Variants in ASTN2 observed in about 807,000 individuals in gnomAD.
ASTN2 encodes astrotactin 2.
In ASTN2, 54 loss-of-function variants were observed where a neutral mutation model predicts 139.8. The ratio of observed to expected loss-of-function variants is 0.39; its 90% confidence interval spans 0.31 to 0.48. ASTN2 has a LOEUF of 0.48. ASTN2 is among the 20% of genes least tolerant of loss of function. The pLI is 0.95. For synonymous variants in ASTN2, 756 were observed against 719.5 expected (o/e 1.05, Z -0.81); for missense variants, 1,565 against 1,725.1 (o/e 0.91, Z 1.64).
At chr9:116,844,380 C>T (rs762871014) in intron 11 of ASTN2, among the ~76,000 whole-genome samples, 30 of 152,320 alleles carry the variant, frequency 2.0e-4, no homozygotes, top group Admixed American at 4.6e-4. Flanking sequence ...GACTGTAATA[C>T]ACACAGCTTC....
chr9:116,444,741 A>G (rs1230669636), intron 20 of ASTN2, among the ~76,000 whole-genome samples: 1 of 152,174 alleles, frequency 6.6e-6, no homozygotes, highest in East Asian at 1.9e-4. Context: ...TTTACTGTCT[A>G]GCATTGTGAA....
chr9:116,558,561 C>T (rs1280055507), intron 19 of ASTN2, among the ~76,000 whole-genome samples: 2 of 152,136 alleles, frequency 1.3e-5, no homozygotes, highest in Non-Finnish European at 2.9e-5. Flanking sequence ...CTTGGCATTG[C>T]TTTGGCCCAG....
intron 10 of ASTN2, among the ~76,000 whole-genome samples, chr9:116,881,137 G>T (rs72754102): frequency 4.9e-4 from 75 of 152,306 alleles, no homozygotes; most frequent in Non-Finnish European, 8.8e-4. Flanking sequence ...GGAAGAGGAG[G>T]AGGAGGAAGG....
chr9:117,339,167 G>A (rs912432328), intron 1 of ASTN2, among the ~76,000 whole-genome samples: 8 of 152,164 alleles, frequency 5.3e-5, no homozygotes, highest in South Asian at 4.2e-4. Context: ...TCTCACAACT[G>A]GTATTAGTAT....
At chr9:117,199,754 T>C (rs1831640526) in intron 3 of ASTN2, among the ~76,000 whole-genome samples, 1 of 152,154 alleles carries the variant, frequency 6.6e-6, no homozygotes, top group African/African-American at 2.4e-5. Context: ...ATTCTTCCTA[T>C]CTCTGAGGAT....
intron 2 of ASTN2, among the ~76,000 whole-genome samples, chr9:117,241,478 C>T (rs79790395): frequency 1.6e-3 from 250 of 152,264 alleles, no homozygotes; most frequent in Middle Eastern, 6.8e-3. Flanking sequence ...TTTCCATGGA[C>T]TTATGGGGGG....
intron 22 of ASTN2, among the ~76,000 whole-genome samples, chr9:116,438,449 T>G (rs1264823020): frequency 1.3e-5 from 2 of 152,166 alleles, no homozygotes; most frequent in African/African-American, 4.8e-5. Flanking sequence ...GTCACACACT[T>G]TGCTGCCACT....
intron 19 of ASTN2, among the ~76,000 whole-genome samples, chr9:116,528,274 G>C (rs1211677944): frequency 2.0e-5 from 3 of 152,182 alleles, no homozygotes; most frequent in Non-Finnish European, 4.4e-5. Flanking sequence ...CTCTTGGTAT[G>C]CTTTAGCAAA....
intron 17 of ASTN2, among the ~76,000 whole-genome samples, chr9:116,636,839 AT>A (rs1228676089): frequency 1.3e-5 from 2 of 152,214 alleles, no homozygotes. Context: ...ATGCAACAGT[AT>A]TAAGAGGAGT....
At chr9:117,293,107 AC>A (rs1834636241) in intron 1 of ASTN2, among the ~76,000 whole-genome samples, 2 of 151,814 alleles carry the variant, frequency 1.3e-5, no homozygotes, top group African/African-American at 4.9e-5. Flanking sequence ...AAGAAAAAAA[AC>A]AACAAACAAA....
chr9:116,650,970 C>T (rs1355186750), intron 17 of ASTN2, among the ~76,000 whole-genome samples: 1 of 150,406 alleles, frequency 6.6e-6, no homozygotes, highest in African/African-American at 2.5e-5. Flanking sequence ...GGCTGGAGTA[C>T]AATGGCACGA....
chr9:117,036,815 A>G (rs925686998), intron 6 of ASTN2, among the ~76,000 whole-genome samples: 1 of 152,134 alleles, frequency 6.6e-6, no homozygotes, highest in East Asian at 1.9e-4. Flanking sequence ...CATGGTCTGC[A>G]TGGTGTGCTG....
chr9:116,525,593 T>C (rs1851056502), intron 19 of ASTN2, among the ~76,000 whole-genome samples: 1 of 152,186 alleles, frequency 6.6e-6, no homozygotes, highest in Non-Finnish European at 1.5e-5. Context: ...TCTCTAATAG[T>C]GGTCCATGAA....
intron 1 of ASTN2, among the ~76,000 whole-genome samples, chr9:117,381,049 A>C (rs1398767897): frequency 6.6e-6 from 1 of 152,266 alleles, no homozygotes. Context: ...TAGTCTATCC[A>C]TACAGTTGAT....
chr9:116,525,663 T>C (rs1201414941), intron 19 of ASTN2, among the ~76,000 whole-genome samples: 1 of 152,224 alleles, frequency 6.6e-6, no homozygotes, highest in Non-Finnish European at 1.5e-5. Flanking sequence ...GCAAGCCACC[T>C]GCCTTCAATA....
intron 12 of ASTN2, among the ~76,000 whole-genome samples, chr9:116,808,308 T>TG (rs71379232): frequency 1.0e-4 from 15 of 144,486 alleles, no homozygotes; most frequent in Non-Finnish European, 1.1e-4. Context: ...TGTGTGTGTG[T>TG]TTGTGTTTGT....
At chr9:117,278,158 C>T (rs1000802281) in intron 2 of ASTN2, among the ~76,000 whole-genome samples, 14 of 152,156 alleles carry the variant, frequency 9.2e-5, no homozygotes, top group African/African-American at 2.9e-4. Flanking sequence ...CCGTCACAGG[C>T]GGAATCATTG....
intron 16 of ASTN2, among the ~76,000 whole-genome samples, chr9:116,724,772 C>G (rs188943385): frequency 6.6e-6 from 1 of 152,288 alleles, no homozygotes; most frequent in East Asian, 1.9e-4. Context: ...TTGCTCTTCA[C>G]CCTTTCCATC....
chr9:116,437,746 T>C (rs1050043999), intron 22 of ASTN2, among the ~76,000 whole-genome samples: 1 of 152,200 alleles, frequency 6.6e-6, no homozygotes, highest in Non-Finnish European at 1.5e-5. Flanking sequence ...TCTGGGGCTC[T>C]TCACTTCTGC....
Sources: gnomAD v4.1 joint callset for allele counts (sites outside exome capture counted in the v4.1 genomes callset) on GRCh38, gnomAD v4.1.1 for gene constraint, MANE v1.5 for transcripts, NCBI Gene and HGNC (gene_info 2026-07-23, HGNC 2026-07-21) for gene names.